TBC1D13: variants seen among roughly 807,000 people sequenced by gnomAD.
The protein encoded by TBC1D13 is epididymis secretory sperm binding protein.
TBC1D13 carries 40 observed loss-of-function variants against 53.6 expected under a neutral mutation model. The ratio of observed to expected loss-of-function variants is 0.75; its 90% confidence interval spans 0.58 to 0.97. TBC1D13 has a LOEUF of 0.97. Ranked by LOEUF, TBC1D13 falls within the 50% of genes least tolerant of loss-of-function variation. TBC1D13 has a pLI of 0.00. For missense variants in TBC1D13, 377 were observed against 499.4 expected, an observed-to-expected ratio of 0.75 and a Z score of 2.34; for synonymous variants, 182 against 197.7, an observed-to-expected ratio of 0.92 and a Z score of 0.67.
chr9:128,806,740 C>T (rs892713266), intron 11 of TBC1D13, among the ~76,000 whole-genome samples: 2 of 152,054 alleles, frequency 1.3e-5, no homozygotes, highest in Non-Finnish European at 2.9e-5. Context: ...GTCTGGAGTT[C>T]AAGACCAGCC....
At chr9:128,797,316 T>G (rs1829650221) in intron 7 of TBC1D13, 102 bp downstream of exon 7, 5 of 1,283,494 alleles carry the variant, frequency 3.9e-6, no homozygotes, top group African/African-American at 1.5e-5. Context: ...GACCATCTGC[T>G]TGACAGTTAC....
chr9:128,792,017 C>G (rs751818648), intron 5 of TBC1D13, among the ~76,000 whole-genome samples: 10 of 152,286 alleles, frequency 6.6e-5, no homozygotes, highest in South Asian at 2.1e-4. Flanking sequence ...TGCCAGGAAG[C>G]CTTGTTCTCC....
intron 5 of TBC1D13, 100 bp from the exon 6 acceptor site, chr9:128,792,392 G>T: frequency 1.0e-6 from 1 of 984,468 alleles, no homozygotes; most frequent in South Asian, 1.5e-5. Context: ...AGTGTGCAGT[G>T]GGATTGTTGC....
chr9:128,809,146 T>G lies in TBC1D13; in HGVS notation c.*1267T>G, dbSNP rs1589580223. The G allele has an allele frequency of 6.6e-6, 1 of 152,302 alleles. No homozygotes were observed. Among genetic ancestry groups the G allele is most frequent in the African/African-American group, 2.4e-5 (1 of 41,436 alleles). 9.4% of individuals were successfully genotyped at this position (152,302 alleles called of 1,614,324 possible). Reference sequence around the variant, plus strand: ...GCTTAAAGGCCCTGGGTCCTGCCAGTTCCAGGAGGGCCATGTCTGTGCCTC... The same window carrying G: ...GCTTAAAGGCCCTGGGTCCTGCCAGGTCCAGGAGGGCCATGTCTGTGCCTC... On this transcript the variant is annotated 3_prime_UTR_variant, in exon 12 of 12. Transcript: ENST00000372648.
intron 4 of TBC1D13, 57 bp from the exon 5 acceptor site, chr9:128,791,537 C>T (rs1829532616): frequency 6.2e-7 from 1 of 1,610,516 alleles, no homozygotes; most frequent in Non-Finnish European, 8.5e-7. Flanking sequence ...TGCTGCTCTG[C>T]TCTGGGCTCC....
At chr9:128,794,879 A>G (rs1829600089) in intron 6 of TBC1D13, among the ~76,000 whole-genome samples, 1 of 151,642 alleles carries the variant, frequency 6.6e-6, no homozygotes, top group Non-Finnish European at 1.5e-5. Flanking sequence ...TGCAATACAT[A>G]TATTTTAAAA....
chr9:128,803,683 C>T (rs58614911), intron 8 of TBC1D13, among the ~76,000 whole-genome samples: 8,498 of 152,036 alleles, frequency 0.056, 270 homozygotes, highest in East Asian at 0.11. Context: ...TGTAGGAAGC[C>T]GAATTATAAG....
At position 128,804,077 on chromosome 9, in the gene TBC1D13, C is replaced by T. The variant is rs1829784310; in HGVS notation, c.876C>T (p.Tyr292=). The T allele has an allele frequency of 1.9e-6, 3 of 1,613,996 alleles. No homozygotes were observed. The highest frequency in any genetic ancestry group is 1.3e-5 in the African/African-American group (1 of 74,940). ...TCACCTACAAGATGGAGAAGGTTTA[C>T]TCCACCTTGAAAGATAAGGATGTGG... ...CGITYKMEKV[Y]STLKDKDVEL... Residue 292 remains tyrosine (Y), a synonymous_variant, in exon 9 of 12, where the codon TAC becomes TAT. Coordinates refer to ENST00000372648, the MANE Select transcript of TBC1D13 (RefSeq NM_018201.5).
At chr9:128,806,989 A>C (rs994666748) in intron 11 of TBC1D13, among the ~76,000 whole-genome samples, 7 of 151,856 alleles carry the variant, frequency 4.6e-5, no homozygotes, top group Non-Finnish European at 1.0e-4. Context: ...TTAGGTCCAC[A>C]GTTTTGCTCT....
chr9:128,800,852 A>G (rs1829720048), intron 7 of TBC1D13, among the ~76,000 whole-genome samples: 1 of 151,638 alleles, frequency 6.6e-6, no homozygotes, highest in South Asian at 2.1e-4. Flanking sequence ...GTACTTCGGT[A>G]GGATCTCCTG....
rs925691006 is a variant in TBC1D13 at position 128,803,153 on chromosome 9, A to G, written c.544-97A>G. On this transcript the variant is annotated intron_variant, in intron 7 of 11. Coordinates refer to ENST00000372648, the MANE Select transcript of TBC1D13 (RefSeq NM_018201.5). ...ACTGCAGCCTCGACCACTGGGGCTC[A>G]GCTCCCACCTCAGCCTCCCAAAGTG... 1.1e-5 allele frequency: 12 copies of G among 1,104,318 alleles called. No individual in the cohort carries two copies. The Admixed American group carries it at 1.3e-4, about 12-fold the overall frequency. 68.4% of individuals were successfully genotyped at this position (1,104,318 alleles called of 1,614,324 possible). A position where few individuals can be genotyped will look rare whatever the true frequency, so the allele number is the denominator to read the frequency against.
chr9:128,806,277 A>T lies in TBC1D13; in HGVS notation c.1103A>T (p.Glu368Val). ...MLMLIREQLL[E>V]GDFTVNMRLL... is the part of the protein sequence containing the mutation. ...AGGCTGATCCGGGAGCAGTTGCTGG[A>T]AGGGGACTTCACTGTGAATATGCGG... Residue 368 changes from glutamate (E) to valine (V), a missense_variant, in exon 11 of 12, where the codon GAA (glutamate) becomes GTA (valine). Physicochemically the swap from Glu to Val is moderately radical, Grantham distance 121. Transcript: ENST00000372648. 6.2e-7 allele frequency: 1 copy of T among 1,614,104 alleles called. No homozygotes were observed. Among genetic ancestry groups the T allele is most frequent in the Non-Finnish European group, 8.5e-7 (1 of 1,180,016 alleles).
chr9:128,806,130 G>A, intron 10 of TBC1D13, 111 bp downstream of exon 10: 1 of 1,586,574 alleles, frequency 6.3e-7, no homozygotes, highest in Non-Finnish European at 8.6e-7. Context: ...CATGGCTGGA[G>A]TGGGATTCTG....
intron 7 of TBC1D13, among the ~76,000 whole-genome samples, chr9:128,802,476 C>A (rs1044051460): frequency 6.6e-6 from 1 of 152,184 alleles, no homozygotes; most frequent in Non-Finnish European, 1.5e-5. Context: ...CAGAACATGT[C>A]CACATCCAGA....
intron 7 of TBC1D13, 52 bp downstream of exon 7, chr9:128,797,266 C>T (rs779453929): frequency 3.2e-4 from 508 of 1,589,012 alleles, no homozygotes; most frequent in Non-Finnish European, 4.1e-4. Context: ...ATTTTCTTTC[C>T]TTTTTCTCTT....
rs142267156 is a variant in TBC1D13 at position 128,802,301 on chromosome 9, G to T, written c.544-949G>T. On this transcript the variant is annotated intron_variant, in intron 7 of 11. Coordinates refer to ENST00000372648, the MANE Select transcript of TBC1D13 (RefSeq NM_018201.5). ...TTGAACTCCCGACCTCAGGTAATCT[G>T]CCCGTCTTGACCTCCCAAAGTGCTG... Among the ~76,000 whole-genome samples the T allele has an allele frequency of 7.5e-3, 1,138 of 152,186 alleles. 7 individuals are homozygous for T. Among genetic ancestry groups the T allele is most frequent in the African/African-American group, 0.021 (870 of 41,512 alleles).
At position 128,788,316 on chromosome 9, in the gene TBC1D13, C is replaced by T. The variant is rs2132527072; in HGVS notation, c.24-18C>T. ...CGATATCAGCATGCTTCATTTGCCG[C>T]CCTATCTCCCCTTCCAGAATTGCAG... is the stretch of plus-strand genomic sequence containing the variant. On this transcript the variant is annotated intron_variant, in intron 1 of 11. Coordinates refer to ENST00000372648, the MANE Select transcript of TBC1D13 (RefSeq NM_018201.5). The T allele has an allele frequency of 1.2e-6, 2 of 1,613,442 alleles. No homozygotes were observed. The highest frequency in any genetic ancestry group is 1.7e-6 in the Non-Finnish European group (2 of 1,179,404).
intron 7 of TBC1D13, among the ~76,000 whole-genome samples, chr9:128,800,840 G>C (rs768774468): frequency 6.6e-6 from 1 of 151,838 alleles, no homozygotes; most frequent in Non-Finnish European, 1.5e-5. Context: ...TTTTACCATC[G>C]AGTACTTCGG....
At chr9:128,789,792 C>CAT (rs10529215) in intron 2 of TBC1D13, 5 of 9,302 alleles carry the variant, frequency 5.4e-4, no homozygotes, top group African/African-American at 2.0e-3. Flanking sequence ...GAAAATACAC[C>CAT]ATATATATAT....
Sources: allele counts gnomAD v4.1 joint callset (sites outside exome capture counted in the v4.1 genomes callset), GRCh38; gene constraint gnomAD v4.1.1; transcripts MANE v1.5; gene names NCBI Gene and HGNC (gene_info 2026-07-23, HGNC 2026-07-21).